PAN3: variants seen among roughly 807,000 people sequenced by gnomAD.
The protein encoded by PAN3 is poly(A) specific ribonuclease subunit PAN3.
In PAN3, 19 loss-of-function variants were observed where a neutral mutation model predicts 96.2. That is an observed-to-expected ratio of 0.20 (90% CI 0.14 to 0.29). The LOEUF (loss-of-function observed/expected upper bound fraction) is 0.29. Ranked by LOEUF, PAN3 falls within the 10% of genes least tolerant of loss-of-function variation. The pLI is 1.00. For synonymous variants in PAN3, 433 were observed against 406.6 expected (o/e 1.06, Z -0.78); for missense variants, 882 against 1,108.1 (o/e 0.80, Z 2.90).
At position 28,177,885 on chromosome 13, in the gene PAN3, T is replaced by A. The variant is rs773000158; in HGVS notation, c.640T>A (p.Ser214Thr). Residue 214 changes from serine (S) to threonine (T), a missense_variant, in exon 4 of 19, where the codon TCA becomes ACA. Ser to Thr is a moderately conservative substitution (Grantham distance 58). Around this residue, in one of 3 missense-constraint regions of PAN3, gnomAD observed 442 missense variants for 422.8 expected, o/e 1.05. Coordinates refer to ENST00000380958, the MANE Select transcript of PAN3 (RefSeq NM_175854.8). ...TTCAGATCCTCTAACATCACCTGCT[T>A]CATCCTTGTTTAATGACTTTGGTGC... ...SAHDPLTSPA[S>T]SLFNDFGALN... The A allele has an allele frequency of 1.2e-6, 2 of 1,613,220 alleles. No homozygotes were observed. The highest frequency in any genetic ancestry group is 8.5e-7 in the Non-Finnish European group (1 of 1,179,400).
At chr13:28,283,968 G>A (rs993770786) in intron 17 of PAN3, among the ~76,000 whole-genome samples, 5 of 152,130 alleles carry the variant, frequency 3.3e-5, no homozygotes, top group African/African-American at 7.2e-5. Context: ...CATTTGGGCT[G>A]TTTTCAGTCC....
intron 4 of PAN3, among the ~76,000 whole-genome samples, chr13:28,179,223 G>A (rs567522469): frequency 6.6e-6 from 1 of 152,260 alleles, no homozygotes; most frequent in African/African-American, 2.4e-5. Flanking sequence ...AAATCCGTAT[G>A]TTAGCAGTGT....
chr13:28,156,275 T>C (rs553485156), intron 1 of PAN3, among the ~76,000 whole-genome samples: 1 of 152,162 alleles, frequency 6.6e-6, no homozygotes, highest in Non-Finnish European at 1.5e-5. Flanking sequence ...GAGACTATTA[T>C]GAACACCTCT....
chr13:28,188,404 G>C (rs919278555), intron 4 of PAN3, among the ~76,000 whole-genome samples: 2 of 152,098 alleles, frequency 1.3e-5, no homozygotes, highest in African/African-American at 4.8e-5. Flanking sequence ...TTTGAGACCA[G>C]CCTAGGCAAT....
At chr13:28,281,256 G>A (rs755149729) in intron 16 of PAN3, 59 bp from the exon 17 acceptor site, 690 of 1,375,462 alleles carry the variant, frequency 5.0e-4, no homozygotes, top group Non-Finnish European at 6.6e-4. Flanking sequence ...GTAAATTTTG[G>A]CTTTTATGTT....
rs540142312 is a variant in PAN3, at chr13:28,190,981, C to T, written c.691-6204C>T. Among the ~76,000 whole-genome samples the T allele has an allele frequency of 3.1e-3, 468 of 152,196 alleles. 3 individuals carry two copies. The highest frequency in any genetic ancestry group is 0.011 in the African/African-American group (451 of 41,530). On this transcript the variant is annotated intron_variant, in intron 4 of 18. Transcript: ENST00000380958. ...TTCAAATGCTTTTATTTCATAATAA[C>T]CAGCAAGATGGGACTGGTCAGGCTA...
chr13:28,154,827 TC>T (rs1463470399), intron 1 of PAN3, among the ~76,000 whole-genome samples: 9 of 147,672 alleles, frequency 6.1e-5, no homozygotes, highest in Admixed American at 6.0e-4. Context: ...TTTTTTCTTT[TC>T]TTTTTTTTTT....
At chr13:28,231,424 G>A (rs2138438766) in intron 6 of PAN3, among the ~76,000 whole-genome samples, 1 of 152,232 alleles carries the variant, frequency 6.6e-6, no homozygotes, top group African/African-American at 2.4e-5. Flanking sequence ...CATATAAATT[G>A]ACATTATGTG....
chr13:28,225,599 G>A (rs986568486), intron 6 of PAN3, among the ~76,000 whole-genome samples: 4 of 152,160 alleles, frequency 2.6e-5, no homozygotes, highest in Non-Finnish European at 4.4e-5. Flanking sequence ...GTCATTTACA[G>A]TAATATAAGG....
chr13:28,139,472 C>T (rs569545725), intron 1 of PAN3, among the ~76,000 whole-genome samples: 28 of 135,100 alleles, frequency 2.1e-4, no homozygotes, highest in East Asian at 1.4e-3. Flanking sequence ...TGTGGAGTGG[C>T]GTCTGCAGAG....
Position 28,266,857 on chromosome 13 carries a change from T to C in PAN3, c.1554T>C (p.Tyr518=), listed in dbSNP as rs759644877. The change falls in exon 10 of 19, where the codon TAT becomes TAC. Residue 518 remains tyrosine (Y), a synonymous_variant. Coordinates refer to ENST00000380958, the MANE Select transcript of PAN3 (RefSeq NM_175854.8). The part of the protein sequence containing the change: ...KAVNSKDDLP[Y]CLRRIHGFRL... ...TAAACAGCAAAGATGATCTGCCATATTGCCTTCGGAGGATACATGGTAAGG... is the reference window on the plus strand; with the variant it reads ...TAAACAGCAAAGATGATCTGCCATACTGCCTTCGGAGGATACATGGTAAGG... 114 of 1,604,560 alleles carry C rather than the reference T, an allele frequency of 7.1e-5. No individual in the cohort carries two copies. The Admixed American group carries it at 1.9e-3, about 27-fold the overall frequency.
At chr13:28,207,370 C>T (rs551323237) in intron 5 of PAN3, among the ~76,000 whole-genome samples, 1 of 152,178 alleles carries the variant, frequency 6.6e-6, no homozygotes, top group South Asian at 2.1e-4. Context: ...AGCTGGTTTC[C>T]TGCTTCTAGT....
chr13:28,146,392 T>TC (rs1211295470), intron 1 of PAN3, among the ~76,000 whole-genome samples: 3 of 146,692 alleles, frequency 2.0e-5, no homozygotes, highest in African/African-American at 7.5e-5. Context: ...CTGCCCCTCC[T>TC]CCCCCCATAG....
chr13:28,220,388 GTAAC>G lies in PAN3; in HGVS notation c.1000+13_1000+16del. 1 of 1,612,462 alleles carries G rather than the reference GTAAC, an allele frequency of 6.2e-7. No individual in the cohort carries two copies. Among genetic ancestry groups the G allele is most frequent in the Non-Finnish European group, 8.5e-7 (1 of 1,179,086 alleles). ...GCTGGATTAGCGCCAGGTAAGTTGA[GTAAC>G]TATTTCCAGTGAGTTCCAGATACCA... is the stretch of plus-strand genomic sequence containing the variant. On this transcript the variant is annotated intron_variant, in intron 6 of 18. Transcript: ENST00000380958.
chr13:28,199,659 A>G (rs1410597742), intron 5 of PAN3, among the ~76,000 whole-genome samples: 1 of 152,126 alleles, frequency 6.6e-6, no homozygotes, highest in Non-Finnish European at 1.5e-5. Flanking sequence ...AGCAAATAGT[A>G]TGTCAATATA....
intron 4 of PAN3, among the ~76,000 whole-genome samples, chr13:28,190,499 GTCC>G (rs1227432130): frequency 6.6e-6 from 1 of 152,114 alleles, no homozygotes; most frequent in African/African-American, 2.4e-5. Context: ...GCCTTAAGCA[GTCC>G]TCCTGCCTTG....
chr13:28,164,066 CT>C (rs1186051440), intron 1 of PAN3, among the ~76,000 whole-genome samples: 1 of 152,150 alleles, frequency 6.6e-6, no homozygotes, highest in Non-Finnish European at 1.5e-5. Flanking sequence ...GCACTCCAGC[CT>C]GGGCAACAGA....
chr13:28,181,306 C>G (rs1875735083), intron 4 of PAN3, among the ~76,000 whole-genome samples: 2 of 151,770 alleles, frequency 1.3e-5, no homozygotes, highest in Admixed American at 1.3e-4. Context: ...GTCAGGAGTT[C>G]AAGACTAGCC....
At chr13:28,193,595 T>A (rs1459250517) in intron 4 of PAN3, among the ~76,000 whole-genome samples, 1 of 151,154 alleles carries the variant, frequency 6.6e-6, no homozygotes, top group Non-Finnish European at 1.5e-5. Context: ...GTATAGAAAT[T>A]AGCTGGGCGT....
Sources: allele counts gnomAD v4.1 joint callset (sites outside exome capture counted in the v4.1 genomes callset), GRCh38; gene constraint gnomAD v4.1.1; regional missense constraint gnomAD v4.1.1; transcripts MANE v1.5; gene names NCBI Gene and HGNC (gene_info 2026-07-23, HGNC 2026-07-21).